The following SORBS2 variants were observed in gnomAD, a reference collection of about 807,000 sequenced individuals.
SORBS2 encodes the protein sorbin and SH3 domain-containing protein 2.
A neutral mutation model predicts 97.7 loss-of-function variants in SORBS2; 46 were observed. The ratio of observed to expected loss-of-function variants is 0.47; its 90% CI spans 0.37 to 0.60. The LOEUF (loss-of-function observed/expected upper bound fraction) is 0.60, where lower values mean the gene tolerates loss of function less well. Ranked by LOEUF, SORBS2 falls within the 20% of genes least tolerant of loss-of-function variation. SORBS2 has a pLI of 0.00. For missense variants in SORBS2, 1,316 were observed against 1,282.3 expected (o/e 1.03, Z -0.40); for synonymous variants, 476 against 473.4 (o/e 1.01, Z -0.07).
intron 2 of SORBS2, among the ~76,000 whole-genome samples, chr4:185,694,907 A>G (rs1454202873): frequency 6.6e-6 from 1 of 151,366 alleles, no homozygotes; most frequent in African/African-American, 2.4e-5. Context: ...GGGTTTTACC[A>G]TGTTGGTCAG....
intron 1 of SORBS2, among the ~76,000 whole-genome samples, chr4:185,785,471 C>G (rs1032535329): frequency 6.6e-6 from 1 of 152,122 alleles, no homozygotes; most frequent in African/African-American, 2.4e-5. Context: ...CAGACAGTCT[C>G]GTGTAAATAT....
At chr4:185,752,434 C>G (rs906599864) in intron 2 of SORBS2, among the ~76,000 whole-genome samples, 2 of 152,138 alleles carry the variant, frequency 1.3e-5, no homozygotes, top group Non-Finnish European at 2.9e-5. Flanking sequence ...CGCCACCACA[C>G]CCAGCTAATT....
intron 1 of SORBS2, among the ~76,000 whole-genome samples, chr4:185,911,446 C>G (rs2149879677): frequency 6.6e-6 from 1 of 152,112 alleles, no homozygotes; most frequent in East Asian, 1.9e-4. Context: ...TCAGGCTGGT[C>G]TTGAACTCCT....
At chr4:185,616,152 A>G (rs2096623130) in intron 9 of SORBS2, among the ~76,000 whole-genome samples, 1 of 152,150 alleles carries the variant, frequency 6.6e-6, no homozygotes, top group South Asian at 2.1e-4. Flanking sequence ...CAGAATTTTC[A>G]TTTTTTAATC....
intron 7 of SORBS2, among the ~76,000 whole-genome samples, chr4:185,621,230 T>C (rs1010048588): frequency 6.6e-6 from 1 of 152,204 alleles, no homozygotes. Flanking sequence ...TTTGACTACT[T>C]TGATGATGTA....
chr4:185,910,500 G>A (rs1361257250), intron 1 of SORBS2, among the ~76,000 whole-genome samples: 1 of 152,100 alleles, frequency 6.6e-6, no homozygotes, highest in African/African-American at 2.4e-5. Context: ...AACACAGATA[G>A]AGCTTGAAGA....
chr4:185,655,412 A>C (rs1475545429), intron 1 of SORBS2, among the ~76,000 whole-genome samples: 4 of 152,236 alleles, frequency 2.6e-5, no homozygotes, highest in Non-Finnish European at 1.5e-5. Context: ...TGTGGCTCAG[A>C]GACAGCCTGA....
chr4:185,619,690 T>C (rs1161782109), intron 8 of SORBS2, among the ~76,000 whole-genome samples: 1 of 152,190 alleles, frequency 6.6e-6, no homozygotes, highest in Non-Finnish European at 1.5e-5. Flanking sequence ...TACAACACAG[T>C]TGACATCAGG....
intron 2 of SORBS2, among the ~76,000 whole-genome samples, chr4:185,736,399 C>T (rs957679442): frequency 1.3e-5 from 2 of 152,090 alleles, no homozygotes; most frequent in Non-Finnish European, 2.9e-5. Context: ...CCTGGGCCTG[C>T]AAAGGTAAAA....
intron 2 of SORBS2, among the ~76,000 whole-genome samples, chr4:185,711,713 G>A (rs72702054): frequency 0.052 from 7,927 of 152,168 alleles, 237 homozygotes; most frequent in Middle Eastern, 0.078. Context: ...GTAGAGGAAT[G>A]TCCAAATGTG....
chr4:185,889,579 C>T (rs1413134735), intron 1 of SORBS2, among the ~76,000 whole-genome samples: 3 of 152,118 alleles, frequency 2.0e-5, no homozygotes, highest in African/African-American at 2.4e-5. Flanking sequence ...TGTTTAAAAT[C>T]GGTATCATTC....
chr4:185,736,189 C>A (rs1469090974), intron 2 of SORBS2, among the ~76,000 whole-genome samples: 1 of 152,220 alleles, frequency 6.6e-6, no homozygotes, highest in African/African-American at 2.4e-5. Context: ...TGCTTAGAGA[C>A]TGTCAATGAA....
chr4:185,806,731 T>C (rs1488686316), intron 1 of SORBS2, among the ~76,000 whole-genome samples: 1 of 152,114 alleles, frequency 6.6e-6, no homozygotes. Flanking sequence ...GTGCTGGGAT[T>C]ACAGGCGTGA....
intron 9 of SORBS2, 67 bp downstream of exon 21, chr4:185,618,518 A>G: frequency 1.2e-6 from 1 of 835,714 alleles, no homozygotes; most frequent in Admixed American, 2.4e-5. Context: ...TGCAATGCTT[A>G]TCTCTTAAAG....
At chr4:185,660,385 C>G (rs950572152), upstream of SORBS2, among the ~76,000 whole-genome samples, 1 of 152,136 alleles carries the variant, frequency 6.6e-6, no homozygotes, top group African/African-American at 2.4e-5. Context: ...TAATGGACTT[C>G]CATTATAACA....
At chr4:185,656,160 C>T (rs2097397287) in intron 1 of SORBS2, among the ~76,000 whole-genome samples, 3 of 152,194 alleles carry the variant, frequency 2.0e-5, no homozygotes, top group Admixed American at 2.0e-4. Context: ...TTTTCTTTGG[C>T]ACATAAATAT....
At chr4:185,696,765 A>G (rs1335559362) in intron 2 of SORBS2, among the ~76,000 whole-genome samples, 1 of 152,160 alleles carries the variant, frequency 6.6e-6, no homozygotes, top group African/African-American at 2.4e-5. Context: ...GGAGTTCCTT[A>G]GTTTTATATT....
chr4:185,739,750 G>A (rs1040561836), intron 2 of SORBS2, among the ~76,000 whole-genome samples: 19 of 152,164 alleles, frequency 1.2e-4, no homozygotes, highest in African/African-American at 4.6e-4. Context: ...AAGAGCACAT[G>A]GCACTGATTC....
chr4:185,890,669 C>G (rs1480645775), intron 1 of SORBS2, among the ~76,000 whole-genome samples: 1 of 152,172 alleles, frequency 6.6e-6, no homozygotes, highest in East Asian at 1.9e-4. Context: ...GTGCCCTGCT[C>G]AGACCCCTTC....
Sources: gnomAD v4.1 joint callset for allele counts (sites outside exome capture counted in the v4.1 genomes callset) on GRCh38, gnomAD v4.1.1 for gene constraint, MANE v1.5 for transcripts, NCBI Gene and HGNC (gene_info 2026-07-23, HGNC 2026-07-21) for gene names.